OSBPL8: variants seen among roughly 807,000 people sequenced by gnomAD.
OSBPL8 encodes the protein oxysterol binding protein like 8, also known as oxysterol-binding protein-related protein 8.
Under a neutral mutation model 125.5 loss-of-function variants are expected in OSBPL8, and 59 were observed. The observed-to-expected ratio is 0.47, with a 90% CI of 0.38 to 0.58. OSBPL8 has a LOEUF of 0.58. Ranked by LOEUF, OSBPL8 falls within the 20% of genes least tolerant of loss-of-function variation. OSBPL8 has a pLI of 0.00. For missense variants in OSBPL8, 758 were observed against 1,047.8 expected (o/e 0.72, Z 3.82); for synonymous variants, 330 against 338.9 (o/e 0.97, Z 0.29).
chr12:76,532,349 A>G (rs1950366289), intron 1 of OSBPL8, among the ~76,000 whole-genome samples: 2 of 152,172 alleles, frequency 1.3e-5, no homozygotes, highest in South Asian at 4.1e-4. Flanking sequence ...TTGCTCAAAC[A>G]ACATAGCAAA....
intron 1 of OSBPL8, among the ~76,000 whole-genome samples, chr12:76,492,158 T>G (rs983044840): frequency 3.3e-5 from 5 of 152,126 alleles, no homozygotes; most frequent in Non-Finnish European, 7.4e-5. Flanking sequence ...GTTACAATTT[T>G]AAATAGGATG....
chr12:76,375,328 A>C lies in OSBPL8; in HGVS notation c.1772T>G (p.Val591Gly). The change falls in exon 17 of 24, where the codon GTC becomes GGC. Residue 591 changes from valine to glycine, a missense_variant. By Grantham distance (109) the Val-to-Gly change is moderately radical (BLOSUM62 -3). Coordinates refer to ENST00000261183, the MANE Select transcript of OSBPL8 (RefSeq NM_020841.5). ...GTMTLELGGT[V>G]NITCQKTGYS... ...TCCAGTTTTTTGACATGTAATATTG[A>C]CTGTTCCACCAAGCTCCAGTGTCAT... 1 of 1,612,342 alleles carries C rather than the reference A, an allele frequency of 6.2e-7. No homozygotes were observed. The highest frequency in any genetic ancestry group is 8.5e-7 in the Non-Finnish European group (1 of 1,179,226).
intron 1 of OSBPL8, among the ~76,000 whole-genome samples, chr12:76,548,485 T>C (rs1950846103): frequency 6.6e-6 from 1 of 152,182 alleles, no homozygotes; most frequent in African/African-American, 2.4e-5. Context: ...CATCCCCTAT[T>C]TCCAAGCAGT....
At chr12:76,465,011 A>G (rs568149961) in intron 2 of OSBPL8, among the ~76,000 whole-genome samples, 1 of 152,270 alleles carries the variant, frequency 6.6e-6, no homozygotes, top group South Asian at 2.1e-4. Flanking sequence ...TTCGAACAGG[A>G]GTCATCACTC....
chr12:76,363,220 C>G (rs901958010), intron 21 of OSBPL8, among the ~76,000 whole-genome samples: 4 of 152,178 alleles, frequency 2.6e-5, no homozygotes, highest in Non-Finnish European at 4.4e-5. Flanking sequence ...GCCCATATAG[C>G]CAAGACAATC....
At chr12:76,528,706 C>T (rs1224793948) in intron 1 of OSBPL8, among the ~76,000 whole-genome samples, 1 of 151,856 alleles carries the variant, frequency 6.6e-6, no homozygotes, top group African/African-American at 2.4e-5. Context: ...AACGATATAG[C>T]TATAGTATTA....
intron 4 of OSBPL8, among the ~76,000 whole-genome samples, chr12:76,413,011 C>T (rs753264227): frequency 1.3e-5 from 2 of 152,000 alleles, no homozygotes; most frequent in African/African-American, 4.8e-5. Flanking sequence ...TCATGTTGAC[C>T]GTGAGTTCCT....
chr12:76,364,777 T>C (rs760919812), intron 21 of OSBPL8, among the ~76,000 whole-genome samples: 1 of 152,222 alleles, frequency 6.6e-6, no homozygotes, highest in Admixed American at 6.5e-5. Context: ...TATAGCTTTA[T>C]AGTAAGTTTT....
intron 9 of OSBPL8, among the ~76,000 whole-genome samples, chr12:76,393,106 A>G (rs114794820): frequency 0.01 from 1,587 of 152,266 alleles, 36 homozygotes; most frequent in African/African-American, 0.037. Context: ...CTACAAACAA[A>G]CTATCTGAAG....
At chr12:76,392,857 G>A (rs1015043846) in intron 9 of OSBPL8, 105 bp from the exon 10 acceptor site, 8 of 1,166,910 alleles carry the variant, frequency 6.9e-6, no homozygotes, top group Non-Finnish European at 9.5e-6. Flanking sequence ...ACATGCACTG[G>A]AAAAGTTAAT....
chr12:76,421,732 CATAATT>C (rs1869508859), intron 4 of OSBPL8, among the ~76,000 whole-genome samples: 1 of 151,818 alleles, frequency 6.6e-6, no homozygotes, highest in Non-Finnish European at 1.5e-5. Context: ...AAAGAGTAGA[CATAATT>C]ATATAGTGTT....
rs758440421 is a variant in OSBPL8, at chr12:76,474,528, C to G, written c.42+12982G>C. 2.0e-5 allele frequency among the ~76,000 whole-genome samples: 3 copies of G among 152,126 alleles called. No homozygotes were observed. The South Asian group carries it at 6.2e-4, about 32-fold the overall frequency. On this transcript the variant is annotated intron_variant, in intron 2 of 23. Coordinates refer to ENST00000261183, the MANE Select transcript of OSBPL8 (RefSeq NM_020841.5). ...GCAGAGTCTCACTCTGTTGCCCAAG[C>G]TGGAGTGCAGTGGCATGATCTTGGC...
At chr12:76,408,900 G>A (rs1352496026) in intron 5 of OSBPL8, among the ~76,000 whole-genome samples, 3 of 151,972 alleles carry the variant, frequency 2.0e-5, no homozygotes, top group Non-Finnish European at 4.4e-5. Context: ...GTGGTATGTA[G>A]GTCTTTGTGT....
chr12:76,384,150 G>T, intron 15 of OSBPL8, 104 bp downstream of exon 15: 1 of 550,272 alleles, frequency 1.8e-6, no homozygotes, highest in South Asian at 5.7e-5. Flanking sequence ...TACTTAAAAT[G>T]ACAAACTCCT....
intron 3 of OSBPL8, among the ~76,000 whole-genome samples, chr12:76,455,570 T>C (rs755483031): frequency 2.0e-5 from 3 of 152,150 alleles, no homozygotes; most frequent in Non-Finnish European, 4.4e-5. Flanking sequence ...ATGATTTTGA[T>C]AGCCGTGAAG....
intron 1 of OSBPL8, among the ~76,000 whole-genome samples, chr12:76,496,708 TA>T (rs1234074458): frequency 1.3e-5 from 2 of 151,582 alleles, no homozygotes; most frequent in African/African-American, 2.4e-5. Context: ...GCCCAGCTAA[TA>T]TTTTGTATTT....
intron 1 of OSBPL8, among the ~76,000 whole-genome samples, chr12:76,530,698 C>CAGAT (rs1441304451): frequency 1.3e-5 from 2 of 152,146 alleles, no homozygotes; most frequent in Non-Finnish European, 2.9e-5. Flanking sequence ...GAGTGCCTAT[C>CAGAT]ACAGGAGGTG....
Position 76,369,310 on chromosome 12 carries a change from A to G in OSBPL8, c.2241-9T>C. 6.5e-7 allele frequency: 1 copy of G among 1,534,294 alleles called. No individual in the cohort carries two copies. The highest frequency in any genetic ancestry group is 8.7e-7 in the Non-Finnish European group (1 of 1,149,462). On this transcript the variant is annotated splice_polypyrimidine_tract_variant and intron_variant, in intron 20 of 23. Coordinates refer to ENST00000261183, the MANE Select transcript of OSBPL8 (RefSeq NM_020841.5). ...GGTCCCATGGTCGGGTACTACATAA[A>G]TGAAAAAAAAAAAAACCATTTGCTC...
chr12:76,472,062 T>C (rs1036361589), intron 2 of OSBPL8, among the ~76,000 whole-genome samples: 1 of 152,184 alleles, frequency 6.6e-6, no homozygotes, highest in Non-Finnish European at 1.5e-5. Context: ...GCTAAACACA[T>C]AATGCCCTAA....
Sources: gnomAD v4.1 joint callset for allele counts (sites outside exome capture counted in the v4.1 genomes callset) on GRCh38, gnomAD v4.1.1 for gene constraint, MANE v1.5 for transcripts, NCBI Gene and HGNC (gene_info 2026-07-23, HGNC 2026-07-21) for gene names.